Variants in BBS9 observed in about 807,000 individuals in gnomAD.
BBS9 encodes protein PTHB1.
BBS9 carries 89 observed loss-of-function variants against 117.7 expected under a neutral mutation model. That is an observed-to-expected ratio of 0.76 (90% CI 0.64 to 0.90). The LOEUF (loss-of-function observed/expected upper bound fraction) is 0.90. Among genes scored for constraint, BBS9 ranks in the 40% least tolerant of loss-of-function variants. The probability of loss-of-function intolerance (pLI) is 0.00; values close to 1 mark genes in which losing one functional copy is unlikely to be tolerated. For missense variants in BBS9, 982 were observed against 1,042.2 expected (o/e 0.94, Z 0.80); for synonymous variants, 379 against 370.9 (o/e 1.02, Z -0.25).
At position 33,404,519 on chromosome 7, in the gene BBS9, T is replaced by C. The variant is rs1232022107; in HGVS notation, c.2115+16375T>C. On this transcript the variant is annotated intron_variant, in intron 19 of 22. Transcript: ENST00000242067. ...TTTGTTTGTATCCTCTTTTATTTCA[T>C]TGAGCAGTGGTTTGTAGTCCTCCTT... 2.0e-5 allele frequency among the ~76,000 whole-genome samples: 3 copies of C among 152,152 alleles called. No individual in the cohort carries two copies. The East Asian group carries it at 5.8e-4, about 29-fold the overall frequency.
intron 5 of BBS9, among the ~76,000 whole-genome samples, chr7:33,178,817 A>G (rs1200209569): frequency 1.3e-5 from 2 of 152,032 alleles, no homozygotes; most frequent in Non-Finnish European, 2.9e-5. Flanking sequence ...AAAGACAAGG[A>G]ATAATTGAAT....
intron 21 of BBS9, among the ~76,000 whole-genome samples, chr7:33,589,741 G>T (rs186127605): frequency 5.9e-5 from 9 of 152,138 alleles, no homozygotes; most frequent in African/African-American, 2.2e-4. Context: ...TGCTGTTAGA[G>T]ATCTAAGTGG....
Position 33,387,073 on chromosome 7 carries a change from ATAG to A in BBS9, c.1963-914_1963-912del, listed in dbSNP as rs1179243725. Among the ~76,000 whole-genome samples the A allele has an allele frequency of 2.7e-4, 41 of 152,192 alleles. 1 individual carries two copies. Among genetic ancestry groups the A allele is most frequent in the Non-Finnish European group, 1.6e-4 (11 of 68,022 alleles). ...TTTGCACAGCATTGCATATCAGCAC[ATAG>A]TAGTCTTGCAGAATAGTCTTCCTTA... On this transcript the variant is annotated intron_variant, in intron 18 of 22. Transcript: ENST00000242067.
chr7:33,357,739 T>A, intron 15 of BBS9, 116 bp from the exon 16 acceptor site: 3 of 1,048,266 alleles, frequency 2.9e-6, no homozygotes, highest in Non-Finnish European at 4.4e-6. Context: ...TTAAGCAAAA[T>A]AGGCAGGCAA....
chr7:33,403,826 T>C (rs1829404603), intron 19 of BBS9, among the ~76,000 whole-genome samples: 2 of 152,162 alleles, frequency 1.3e-5, no homozygotes, highest in African/African-American at 4.8e-5. Context: ...TTTGGGTATA[T>C]ACCCAGTAAT....
chr7:33,470,143 A>C (rs2128952143), intron 19 of BBS9, among the ~76,000 whole-genome samples: 2 of 152,318 alleles, frequency 1.3e-5, no homozygotes, highest in Middle Eastern at 6.8e-3. Context: ...GCAGGTCCTC[A>C]AGAAGTGCTT....
intron 5 of BBS9, among the ~76,000 whole-genome samples, chr7:33,256,403 G>A (rs901407672): frequency 7.2e-5 from 11 of 152,080 alleles, no homozygotes; most frequent in Non-Finnish European, 1.3e-4. Context: ...ATTTAAGGTT[G>A]ATAAATCTAT....
At chr7:33,350,197 A>T (rs945401646) in intron 13 of BBS9, among the ~76,000 whole-genome samples, 1 of 152,076 alleles carries the variant, frequency 6.6e-6, no homozygotes, top group African/African-American at 2.4e-5. Context: ...TAAGGCTTCT[A>T]TCTCTTATTC....
intron 5 of BBS9, among the ~76,000 whole-genome samples, chr7:33,180,245 G>A (rs1797905040): frequency 6.6e-6 from 1 of 152,174 alleles, no homozygotes; most frequent in Non-Finnish European, 1.5e-5. Flanking sequence ...CACAGCAGTA[G>A]GGGGTACCTG....
intron 16 of BBS9, among the ~76,000 whole-genome samples, chr7:33,362,410 A>G (rs962334461): frequency 1.3e-5 from 2 of 152,048 alleles, no homozygotes; most frequent in African/African-American, 4.8e-5. Flanking sequence ...CTTTACATTT[A>G]AGTCTCTTCC....
chr7:33,448,307 G>A (rs1177668925), intron 19 of BBS9, among the ~76,000 whole-genome samples: 1 of 152,072 alleles, frequency 6.6e-6, no homozygotes, highest in Non-Finnish European at 1.5e-5. Flanking sequence ...ATTCTATTGG[G>A]CTTGGGTTGG....
intron 19 of BBS9, among the ~76,000 whole-genome samples, chr7:33,461,284 T>G (rs1182763080): frequency 6.6e-6 from 1 of 152,010 alleles, no homozygotes; most frequent in African/African-American, 2.4e-5. Context: ...ATTCTATGTT[T>G]AACTTTTTGA....
intron 21 of BBS9, among the ~76,000 whole-genome samples, chr7:33,563,534 G>A (rs1020520): frequency 6.6e-6 from 1 of 152,192 alleles, no homozygotes; most frequent in Non-Finnish European, 1.5e-5. Flanking sequence ...TGATAACTTT[G>A]TTATGGCCTA....
At chr7:33,552,210 A>G (rs1854541607) in intron 21 of BBS9, among the ~76,000 whole-genome samples, 1 of 152,196 alleles carries the variant, frequency 6.6e-6, no homozygotes, top group Non-Finnish European at 1.5e-5. Context: ...TCAGCTTACT[A>G]CACTATAATA....
At chr7:33,312,050 A>T (rs1040450817) in intron 9 of BBS9, among the ~76,000 whole-genome samples, 1 of 152,230 alleles carries the variant, frequency 6.6e-6, no homozygotes, top group Non-Finnish European at 1.5e-5. Flanking sequence ...GCCACACTGC[A>T]CTTGCAATGA....
At chr7:33,528,837 A>C (rs765153336) in intron 20 of BBS9, among the ~76,000 whole-genome samples, 13 of 152,216 alleles carry the variant, frequency 8.5e-5, no homozygotes, top group Middle Eastern at 3.2e-3. Flanking sequence ...CACAGGTGGC[A>C]TGGGAATACT....
At chr7:33,503,051 A>G (rs914459771) in intron 19 of BBS9, among the ~76,000 whole-genome samples, 6 of 152,186 alleles carry the variant, frequency 3.9e-5, no homozygotes, top group Admixed American at 3.9e-4. Context: ...AGTAGCATGA[A>G]TTTTACCATT....
intron 19 of BBS9, among the ~76,000 whole-genome samples, chr7:33,489,116 C>T (rs906961232): frequency 1.3e-5 from 2 of 151,568 alleles, no homozygotes; most frequent in Non-Finnish European, 2.9e-5. Flanking sequence ...CCTCAGCCTC[C>T]CGAGTAGCTG....
intron 19 of BBS9, among the ~76,000 whole-genome samples, chr7:33,442,653 G>A (rs890593328): frequency 6.6e-6 from 1 of 152,170 alleles, no homozygotes; most frequent in Non-Finnish European, 1.5e-5. Context: ...AAGCTAATTA[G>A]CACCTCACAA....
Sources: gnomAD v4.1 joint callset for allele counts (sites outside exome capture counted in the v4.1 genomes callset) on GRCh38, gnomAD v4.1.1 for gene constraint, MANE v1.5 for transcripts, NCBI Gene and HGNC (gene_info 2026-07-23, HGNC 2026-07-21) for gene names.